The following TRAF3 variants were observed in gnomAD, a reference collection of about 807,000 sequenced individuals.
The protein encoded by TRAF3 is TNF receptor-associated factor 3.
A neutral mutation model predicts 62.3 loss-of-function variants in TRAF3; 13 were observed. The observed-to-expected ratio is 0.21, with a 90% CI of 0.14 to 0.33. The LOEUF is 0.33. Among genes scored for constraint, TRAF3 ranks in the 10% least tolerant of loss-of-function variants. The pLI, the probability that TRAF3 is intolerant of heterozygous loss-of-function variation, is 1.00. For missense variants in TRAF3, 440 were observed against 741.8 expected, an observed-to-expected ratio of 0.59 and a Z score of 4.73; for synonymous variants, 269 against 283.4, an observed-to-expected ratio of 0.95 and a Z score of 0.51.
intron 2 of TRAF3, among the ~76,000 whole-genome samples, chr14:102,854,321 A>G (rs909225681): frequency 2.0e-5 from 3 of 152,170 alleles, no homozygotes; most frequent in Non-Finnish European, 4.4e-5. Context: ...GTTGGGTCAT[A>G]CGGTAATTCT....
At chr14:102,846,968 T>G (rs896340044) in intron 2 of TRAF3, among the ~76,000 whole-genome samples, 1 of 152,182 alleles carries the variant, frequency 6.6e-6, no homozygotes, top group Non-Finnish European at 1.5e-5. Flanking sequence ...ATGTAATAAC[T>G]TCATGAAACG....
chr14:102,854,994 C>T (rs1887281428), intron 2 of TRAF3, among the ~76,000 whole-genome samples: 3 of 152,100 alleles, frequency 2.0e-5, no homozygotes, highest in Non-Finnish European at 2.9e-5. Flanking sequence ...CAGTGAGTCC[C>T]CATTATGCCT....
At chr14:102,814,611 T>C (rs1899404194) in intron 1 of TRAF3, among the ~76,000 whole-genome samples, 3 of 152,116 alleles carry the variant, frequency 2.0e-5, no homozygotes, top group Admixed American at 2.0e-4. Flanking sequence ...CTTGACCTCC[T>C]GGACTTAGGT....
chr14:102,845,200 A>G (rs1886623408), intron 2 of TRAF3, among the ~76,000 whole-genome samples: 1 of 139,936 alleles, frequency 7.1e-6, no homozygotes, highest in Non-Finnish European at 1.5e-5. Context: ...CCGGCCCTAA[A>G]AATTTTTTGT....
chr14:102,783,810 T>A (rs1055161757), intron 1 of TRAF3, among the ~76,000 whole-genome samples: 2 of 152,108 alleles, frequency 1.3e-5, no homozygotes, highest in African/African-American at 4.8e-5. Flanking sequence ...CCCTCTGTAT[T>A]TAGTGGTAGA....
chr14:102,834,648 A>G (rs1050987979), intron 2 of TRAF3, among the ~76,000 whole-genome samples: 1 of 143,980 alleles, frequency 6.9e-6, no homozygotes, highest in African/African-American at 2.7e-5. Flanking sequence ...AGACTGCGCC[A>G]CTGCACTCCA....
Position 102,815,108 on chromosome 14 carries a change from A to T in TRAF3, c.-156-15226A>T, listed in dbSNP as rs562278415. Reference sequence around the variant, plus strand: ...TACCATTATGCCTGGTTAATTTTTTAAATTATTTTTTGTAGAGACAGAGTT... The same window carrying T: ...TACCATTATGCCTGGTTAATTTTTTTAATTATTTTTTGTAGAGACAGAGTT... On this transcript the variant is annotated intron_variant, in intron 1 of 11. Coordinates refer to ENST00000392745, the MANE Select transcript of TRAF3 (RefSeq NM_145725.3). Among the ~76,000 whole-genome samples, 6 of 151,268 alleles carry T rather than the reference A, an allele frequency of 4.0e-5. No individual in the cohort carries two copies. In the East Asian group the frequency reaches 7.9e-4, roughly 20 times the overall value.
chr14:102,875,861 T>C (rs901030124), intron 5 of TRAF3, 133 bp downstream of exon 5: 9 of 779,806 alleles, frequency 1.2e-5, no homozygotes, highest in Non-Finnish European at 1.8e-5. Flanking sequence ...CACAGCCAAA[T>C]AGGAAAGCAG....
intron 1 of TRAF3, among the ~76,000 whole-genome samples, chr14:102,816,027 C>T (rs1380852072): frequency 6.6e-6 from 1 of 151,964 alleles, no homozygotes; most frequent in African/African-American, 2.4e-5. Flanking sequence ...TCTTGGTGCC[C>T]TTATCAAAAA....
chr14:102,870,888 T>C (rs1413052600), intron 3 of TRAF3, among the ~76,000 whole-genome samples: 1 of 152,226 alleles, frequency 6.6e-6, no homozygotes, highest in African/African-American at 2.4e-5. Flanking sequence ...CTAGGCCGCA[T>C]GCTTACTCAG....
At position 102,903,065 on chromosome 14, in the gene TRAF3, A is replaced by G; in HGVS notation, c.961-190A>G. ...TCGAGTGCTCCCTGCCGGCACAAGC[A>G]CTTGATCCCAGGGAGCTCCCAGGAG... On this transcript the variant is annotated intron_variant, in intron 10 of 11. Coordinates refer to ENST00000392745, the MANE Select transcript of TRAF3 (RefSeq NM_145725.3). The surrounding 1 kb of genome is among the most constrained non-coding windows in gnomAD (Gnocchi z 6.4). The G allele has an allele frequency of 1.3e-6, 1 of 744,496 alleles. No homozygotes were observed. The highest frequency in any genetic ancestry group is 2.3e-6 in the Non-Finnish European group (1 of 426,066). 46.1% of individuals were successfully genotyped at this position (744,496 alleles called of 1,614,324 possible).
At chr14:102,865,922 A>C (rs1887961749) in intron 2 of TRAF3, 1 of 152,256 alleles carries the variant, frequency 6.6e-6, no homozygotes, top group African/African-American at 2.4e-5. Context: ...TGGCCCCTGC[A>C]CAAGGATGAC....
intron 1 of TRAF3, among the ~76,000 whole-genome samples, chr14:102,793,507 C>T (rs931641922): frequency 6.6e-6 from 1 of 152,198 alleles, no homozygotes; most frequent in African/African-American, 2.4e-5. Flanking sequence ...GAAACCTGCC[C>T]TCTCCTAATT....
intron 2 of TRAF3, among the ~76,000 whole-genome samples, chr14:102,837,156 G>T (rs1886074457): frequency 6.6e-6 from 1 of 150,798 alleles, no homozygotes; most frequent in African/African-American, 2.4e-5. Flanking sequence ...TTTTTGGGGG[G>T]GGGTGAAGGT....
chr14:102,821,670 A>G (rs1899994941), intron 1 of TRAF3, among the ~76,000 whole-genome samples: 1 of 152,222 alleles, frequency 6.6e-6, no homozygotes, highest in Admixed American at 6.5e-5. Flanking sequence ...TGTGTGTATC[A>G]GTGGATTATG....
At chr14:102,824,237 C>T (rs1204319778) in intron 1 of TRAF3, among the ~76,000 whole-genome samples, 2 of 152,182 alleles carry the variant, frequency 1.3e-5, no homozygotes, top group Non-Finnish European at 1.5e-5. Flanking sequence ...GCTGACCTAG[C>T]GACTTCTTGT....
rs1897067286 is a variant in TRAF3, at chr14:102,777,657, A to G, written c.-175A>G. ...GCGCCCGGCGCCCCTGAGCCGGCCGAGCGGCGACGGACCGCGAGGTAAGGG... is the reference window on the plus strand; with the variant it reads ...GCGCCCGGCGCCCCTGAGCCGGCCGGGCGGCGACGGACCGCGAGGTAAGGG... On this transcript the variant is annotated 5_prime_UTR_variant, in exon 1 of 12. Coordinates refer to ENST00000392745, the MANE Select transcript of TRAF3 (RefSeq NM_145725.3). 2 of 141,968 alleles carry G rather than the reference A, an allele frequency of 1.4e-5. No homozygotes were observed. The highest frequency in any genetic ancestry group is 1.4e-4 in the Admixed American group (2 of 14,424). 8.8% of individuals were successfully genotyped at this position (141,968 alleles called of 1,614,324 possible).
intron 7 of TRAF3, among the ~76,000 whole-genome samples, chr14:102,888,324 G>A (rs187540017): frequency 1.3e-3 from 197 of 152,322 alleles, no homozygotes; most frequent in African/African-American, 4.1e-3. Flanking sequence ...GCGTCAGGCT[G>A]CCAGGTTCCT....
intron 1 of TRAF3, among the ~76,000 whole-genome samples, chr14:102,792,842 C>CT (rs900259542): frequency 2.5e-4 from 37 of 146,746 alleles, no homozygotes; most frequent in Middle Eastern, 3.5e-3. Flanking sequence ...CTGTAGTTTT[C>CT]TTTTTTTTTT....
Sources: allele counts gnomAD v4.1 joint callset (sites outside exome capture counted in the v4.1 genomes callset), GRCh38; gene constraint gnomAD v4.1.1; non-coding constraint Gnocchi (gnomAD v3.1); transcripts MANE v1.5; gene names NCBI Gene and HGNC (gene_info 2026-07-23, HGNC 2026-07-21).